The following PAPPA2 variants were observed in gnomAD, a reference collection of about 807,000 sequenced individuals.
The protein encoded by PAPPA2 is pappalysin-2.
Under a neutral mutation model 176.4 loss-of-function variants are expected in PAPPA2, and 86 were observed. The observed-to-expected ratio is 0.49, with a 90% confidence interval of 0.41 to 0.58. The LOEUF (loss-of-function observed/expected upper bound fraction) is 0.58. PAPPA2 is among the 20% of genes least tolerant of loss of function. The pLI is 0.00. For synonymous variants in PAPPA2, 809 were observed against 852.2 expected (o/e 0.95, Z 0.88); for missense variants, 2,073 against 2,256.9 (o/e 0.92, Z 1.65).
intron 2 of PAPPA2, among the ~76,000 whole-genome samples, chr1:176,579,984 G>T (rs983509937): frequency 1.3e-5 from 2 of 152,114 alleles, no homozygotes; most frequent in Non-Finnish European, 2.9e-5. Context: ...TCCTTCATCT[G>T]AAACATTTAT....
intron 22 of PAPPA2, among the ~76,000 whole-genome samples, chr1:176,841,491 A>G (rs1050305338): frequency 6.6e-6 from 1 of 152,126 alleles, no homozygotes; most frequent in Non-Finnish European, 1.5e-5. Context: ...GTGTACTTGG[A>G]CTAGTATTGT....
At chr1:176,721,239 A>G (rs1173148038) in intron 12 of PAPPA2, among the ~76,000 whole-genome samples, 1 of 152,234 alleles carries the variant, frequency 6.6e-6, no homozygotes, top group Non-Finnish European at 1.5e-5. Flanking sequence ...TAACTTGTTG[A>G]GAGTCTGGTA....
chr1:176,618,650 G>A (rs1573136735), intron 3 of PAPPA2, among the ~76,000 whole-genome samples: 1 of 152,142 alleles, frequency 6.6e-6, no homozygotes, highest in Non-Finnish European at 1.5e-5. Context: ...CCTCTGTGAG[G>A]TTTACCAGAT....
At chr1:176,833,422 C>A (rs1157795553) in intron 21 of PAPPA2, among the ~76,000 whole-genome samples, 1 of 152,300 alleles carries the variant, frequency 6.6e-6, no homozygotes, top group African/African-American at 2.4e-5. Flanking sequence ...AAACTCCCTA[C>A]CTTACAAAGG....
intron 1 of PAPPA2, among the ~76,000 whole-genome samples, chr1:176,517,362 G>C (rs2102532260): frequency 6.6e-6 from 1 of 152,246 alleles, no homozygotes; most frequent in East Asian, 1.9e-4. Context: ...CCTGCAGGCA[G>C]TGAGATAGTT....
chr1:176,799,621 A>G (rs1407896290), intron 20 of PAPPA2, among the ~76,000 whole-genome samples: 2 of 152,246 alleles, frequency 1.3e-5, no homozygotes, highest in Non-Finnish European at 2.9e-5. Context: ...AAGAATCTGT[A>G]AAACTGTATT....
At chr1:176,704,881 T>C (rs1660811973) in intron 9 of PAPPA2, among the ~76,000 whole-genome samples, 1 of 152,210 alleles carries the variant, frequency 6.6e-6, no homozygotes. Context: ...AAATATATTA[T>C]TAAAACTAAT....
intron 14 of PAPPA2, among the ~76,000 whole-genome samples, chr1:176,754,376 C>T (rs1425729981): frequency 6.6e-6 from 1 of 152,218 alleles, no homozygotes; most frequent in African/African-American, 2.4e-5. Context: ...TCTCCAGAGT[C>T]TCAGCAATCT....
At chr1:176,787,368 G>A (rs572142677) in intron 17 of PAPPA2, among the ~76,000 whole-genome samples, 60 of 151,940 alleles carry the variant, frequency 3.9e-4, no homozygotes, top group African/African-American at 1.4e-3. Flanking sequence ...CCCAGTAGCT[G>A]GGACTACAGG....
At position 176,594,659 on chromosome 1, in the gene PAPPA2, T is replaced by C; in HGVS notation, c.1055T>C (p.Ile352Thr). 1 of 1,614,188 alleles carries C rather than the reference T, an allele frequency of 6.2e-7. No individual in the cohort carries two copies. The highest frequency in any genetic ancestry group is 8.5e-7 in the Non-Finnish European group (1 of 1,180,032). The change falls in exon 3 of 23, where the codon ATC (isoleucine) becomes ACC (threonine). Residue 352 changes from isoleucine to threonine, a missense_variant. By Grantham distance (89) the Ile-to-Thr change is moderately conservative. Coordinates refer to ENST00000367662, the MANE Select transcript of PAPPA2 (RefSeq NM_020318.3). The stretch of plus-strand genomic sequence containing the variant: ...ACCGACCGCGTGAAGAAAGCCACCA[T>C]CTTGATTAGCCACAGTCGCTACCAA... ...LCTDRVKKAT[I>T]LISHSRYQPG...
At chr1:176,541,204 G>A (rs1650347341) in intron 1 of PAPPA2, among the ~76,000 whole-genome samples, 1 of 152,186 alleles carries the variant, frequency 6.6e-6, no homozygotes, top group Admixed American at 6.5e-5. Flanking sequence ...CTATTGAGGA[G>A]CATGTGCTTC....
chr1:176,589,393 G>C (rs1366468569), intron 2 of PAPPA2, among the ~76,000 whole-genome samples: 1 of 152,176 alleles, frequency 6.6e-6, no homozygotes, highest in African/African-American at 2.4e-5. Context: ...TTGGAGTTGA[G>C]AGCAGGAATA....
At chr1:176,701,472 G>A (rs1660648665) in intron 8 of PAPPA2, among the ~76,000 whole-genome samples, 1 of 152,180 alleles carries the variant, frequency 6.6e-6, no homozygotes, top group Non-Finnish European at 1.5e-5. Context: ...CTCATGAGAG[G>A]TTTGCTTCTC....
chr1:176,655,680 A>C (rs938828606), intron 3 of PAPPA2, among the ~76,000 whole-genome samples: 1 of 151,828 alleles, frequency 6.6e-6, no homozygotes, highest in Admixed American at 6.6e-5. Context: ...GGAGACTTGG[A>C]AAAGTGGAAG....
chr1:176,757,221 C>T (rs1030779456), intron 14 of PAPPA2, among the ~76,000 whole-genome samples: 1 of 152,194 alleles, frequency 6.6e-6, no homozygotes, highest in African/African-American at 2.4e-5. Flanking sequence ...GGTATATACT[C>T]AGTAGTGGGA....
Position 176,842,523 on chromosome 1 carries a change from A to G in PAPPA2, c.*69A>G, listed in dbSNP as rs1048878931. The G allele has an allele frequency of 2.1e-5, 28 of 1,350,466 alleles. No individual in the cohort carries two copies. The highest frequency in any genetic ancestry group is 2.9e-5 in the Non-Finnish European group (28 of 950,144). The allele number at this position is 1,350,466 out of a possible 1,614,324, so 83.7% of individuals were successfully genotyped here. A position where few individuals can be genotyped will look rare whatever the true frequency, so the allele number is the denominator to read the frequency against. ...GAAAGAGAGGCCGACCCAGGAGGAA[A>G]CAAAGGGTGAATGAAGAAGAACAAT... On this transcript the variant is annotated 3_prime_UTR_variant, in exon 23 of 23. Transcript: ENST00000367662.
At chr1:176,523,316 A>C (rs1649304603) in intron 1 of PAPPA2, among the ~76,000 whole-genome samples, 1 of 152,156 alleles carries the variant, frequency 6.6e-6, no homozygotes, top group South Asian at 2.1e-4. Flanking sequence ...CTGGCATGGA[A>C]AGAACTATTC....
At chr1:176,828,683 A>AT (rs1383620525) in intron 21 of PAPPA2, among the ~76,000 whole-genome samples, 77 of 152,132 alleles carry the variant, frequency 5.1e-4, no homozygotes, top group African/African-American at 1.8e-3. Flanking sequence ...ATGAAAGAGA[A>AT]TAAAAGAGAG....
Position 176,556,595 on chromosome 1 carries a change from T to C in PAPPA2, c.273T>C (p.His91=), listed in dbSNP as rs779749329. 6 of 1,614,032 alleles carry C rather than the reference T, an allele frequency of 3.7e-6. No individual in the cohort carries two copies. Among genetic ancestry groups the C allele is most frequent in the South Asian group, 2.2e-5 (2 of 91,086 alleles). ...PYPVGEQEIH[H]TGRSKPDTEG... is the part of the protein sequence containing the mutation. The stretch of plus-strand genomic sequence containing the variant: ...CCGTGGGGGAGCAAGAAATCCATCA[T>C]ACAGGACGCAGCAAACCAGACACTG... The change falls in exon 2 of 23, where the codon CAT becomes CAC. Residue 91 remains histidine, a synonymous_variant. Transcript: ENST00000367662.
Sources: allele counts gnomAD v4.1 joint callset (sites outside exome capture counted in the v4.1 genomes callset), GRCh38; gene constraint gnomAD v4.1.1; transcripts MANE v1.5; gene names NCBI Gene and HGNC (gene_info 2026-07-23, HGNC 2026-07-21).